SCAF11: variants seen among roughly 807,000 people sequenced by gnomAD.
SCAF11 encodes the protein protein SCAF11.
A neutral mutation model predicts 140.5 loss-of-function variants in SCAF11; 47 were observed. The observed-to-expected ratio is 0.33, with a 90% confidence interval of 0.26 to 0.43. SCAF11 has a LOEUF of 0.43. SCAF11 is among the 20% of genes least tolerant of loss of function. The pLI is 1.00. For missense variants in SCAF11, 1,645 were observed against 1,705.1 expected, an observed-to-expected ratio of 0.96 and a Z score of 0.62; for synonymous variants, 557 against 579.4, an observed-to-expected ratio of 0.96 and a Z score of 0.55.
chr12:45,922,906 T>C lies in SCAF11; in HGVS notation c.4125+30A>G, dbSNP rs769718399. ...TTTTCTCCTTTATCATATACAGAAT[T>C]ATGAAGGTTGCTCTCAACCTTGAAC... On this transcript the variant is annotated intron_variant, in intron 13 of 14. Transcript: ENST00000369367. 6 of 1,581,556 alleles carry C rather than the reference T, an allele frequency of 3.8e-6. No individual in the cohort carries two copies. The South Asian group carries it at 4.4e-5, about 12-fold the overall frequency.
At chr12:45,983,884 GGAA>G (rs1273334214) in intron 1 of SCAF11, among the ~76,000 whole-genome samples, 1 of 151,950 alleles carries the variant, frequency 6.6e-6, no homozygotes, top group African/African-American at 2.4e-5. Flanking sequence ...GGATAAAAAA[GGAA>G]GAAGTTTAGT....
rs1440791188 is a variant in SCAF11 at position 45,926,347 on chromosome 12, C to T, written c.3354G>A (p.Val1118=). The T allele has an allele frequency of 4.3e-6, 7 of 1,614,008 alleles. No homozygotes were observed. The African/African-American group carries it at 9.3e-5, about 22-fold the overall frequency. ...NSSGSESFKF[V]EQQSYKRKSE... Reference sequence around the variant, plus strand: ...TTTTTCGCTTATAGGATTGCTGTTCCACAAACTTGAAAGATTCACTCCCTG... The same window carrying T: ...TTTTTCGCTTATAGGATTGCTGTTCTACAAACTTGAAAGATTCACTCCCTG... The change falls in exon 11 of 15, where the codon GTG becomes GTA. Residue 1118 remains valine, a synonymous_variant. Transcript: ENST00000369367.
intron 1 of SCAF11, among the ~76,000 whole-genome samples, chr12:45,971,175 T>G (rs1474402627): frequency 6.6e-6 from 1 of 152,242 alleles, no homozygotes. Flanking sequence ...TAATGTAGCA[T>G]CATCTCCTTA....
intron 6 of SCAF11, among the ~76,000 whole-genome samples, chr12:45,939,666 C>T (rs569462320): frequency 3.9e-5 from 6 of 152,290 alleles, no homozygotes; most frequent in South Asian, 2.1e-4. Context: ...CCATTGAGAT[C>T]GTGCCATTGC....
rs1181485800 is a variant in SCAF11, at chr12:45,926,604, C to CA, written c.3096dup (p.Asp1033Ter). ...TTTTCTGGATTTCTGGTTCTTGGAT[C>CA]AGGCCCAGAGTTTATTTTTTCTGTT... On this transcript the variant is annotated frameshift_variant, in exon 11 of 15. Coordinates refer to ENST00000369367, the MANE Select transcript of SCAF11 (RefSeq NM_004719.3). LOFTEE classifies it high-confidence loss of function. The CA allele has an allele frequency of 6.2e-7, 1 of 1,613,764 alleles. No individual in the cohort carries two copies. Among genetic ancestry groups the CA allele is most frequent in the Non-Finnish European group, 8.5e-7 (1 of 1,179,956 alleles).
intron 1 of SCAF11, among the ~76,000 whole-genome samples, chr12:45,980,764 T>G (rs972396192): frequency 6.6e-6 from 1 of 152,154 alleles, no homozygotes; most frequent in African/African-American, 2.4e-5. Flanking sequence ...TAGCTCTATT[T>G]AGTGAGTGAC....
chr12:45,925,415 C>T (rs941950932), intron 11 of SCAF11, among the ~76,000 whole-genome samples: 9 of 151,962 alleles, frequency 5.9e-5, no homozygotes, highest in Middle Eastern at 3.2e-3. Flanking sequence ...ATTAGCCAGG[C>T]GTGGTGGTGA....
Position 45,921,819 on chromosome 12 carries a change from C to T in SCAF11, c.*229G>A, listed in dbSNP as rs1944721180. ...GTAAAGATGCACATTCCTTTAAACC[C>T]TTTACTTTCCCTTGAATTTTGTGGG... On this transcript the variant is annotated 3_prime_UTR_variant, in exon 15 of 15. Transcript: ENST00000369367. 2 of 489,002 alleles carry T rather than the reference C, an allele frequency of 4.1e-6. No individual in the cohort carries two copies. Among genetic ancestry groups the T allele is most frequent in the African/African-American group, 1.9e-5 (1 of 51,338 alleles). The allele number at this position is 489,002 out of a possible 1,614,324, so 30.3% of individuals were successfully genotyped here.
Position 45,928,010 on chromosome 12 carries a change from A to T in SCAF11, c.1691T>A (p.Val564Glu), listed in dbSNP as rs868036447. The change falls in exon 11 of 15, where the codon GTA (valine) becomes GAA (glutamate). Residue 564 changes from valine to glutamate, a missense_variant. Val to Glu is a moderately radical substitution (Grantham distance 121). Coordinates refer to ENST00000369367, the MANE Select transcript of SCAF11 (RefSeq NM_004719.3). ...AGATAAGTCACTTAGGGGACAAGAT[A>T]CAGGTTGGTACACTTTGCTTTCAGA... ...LTSESKVYQP[V>E]SCPLSDLSEN... 6.2e-7 allele frequency: 1 copy of T among 1,613,206 alleles called. No individual in the cohort carries two copies. The highest frequency in any genetic ancestry group is 1.7e-4 in the Middle Eastern group (1 of 6,060).
At chr12:45,962,049 G>A (rs1171508953) in intron 2 of SCAF11, among the ~76,000 whole-genome samples, 192 bp from the exon 3 acceptor site, 2 of 151,968 alleles carry the variant, frequency 1.3e-5, no homozygotes, top group South Asian at 2.1e-4. Flanking sequence ...TTTTTTTAAC[G>A]GGGGACTGAA....
Position 45,927,939 on chromosome 12 carries a change from A to G in SCAF11, c.1762T>C (p.Ser588Pro). The change falls in exon 11 of 15, where the codon TCC (serine) becomes CCC (proline). Residue 588 changes from serine (S) to proline (P), a missense_variant. By Grantham distance (74) the Ser-to-Pro change is moderately conservative. Around this residue, in one of 2 missense-constraint regions of SCAF11, gnomAD observed 1,582 missense variants for 1,609.2 expected, o/e 0.98. Transcript: ENST00000369367. ...VVNEEKITES[S>P]LVEITEHKDF... The stretch of plus-strand genomic sequence containing the variant: ...TTATGTTCAGTAATTTCTACTAGGG[A>G]ACTCTCTGTTATTTTTTCTTCATTA... 6.2e-7 allele frequency: 1 copy of G among 1,613,290 alleles called. No individual in the cohort carries two copies. Among genetic ancestry groups the G allele is most frequent in the Non-Finnish European group, 8.5e-7 (1 of 1,179,880 alleles).
rs199825706 is a variant in SCAF11, at chr12:45,927,706, A to G, written c.1995T>C (p.Asn665=). 20 of 1,612,094 alleles carry G rather than the reference A, an allele frequency of 1.2e-5. No homozygotes were observed. Among genetic ancestry groups the G allele is most frequent in the Non-Finnish European group, 2.5e-6 (3 of 1,179,414 alleles). ...TCAGAAGATTATTTTTTAGTAAGTTATTTTCAGAGTCTTGAATATTATTGA... is the reference window on the plus strand; with the variant it reads ...TCAGAAGATTATTTTTTAGTAAGTTGTTTTCAGAGTCTTGAATATTATTGA... The part of the protein sequence containing the change: ...EDFNNIQDSE[N]NLLKNNLLNT... Residue 665 remains asparagine (N), a synonymous_variant, in exon 11 of 15, where the codon AAT becomes AAC. Transcript: ENST00000369367.
chr12:45,968,967 T>C (rs1211601944), intron 1 of SCAF11, among the ~76,000 whole-genome samples: 1 of 152,126 alleles, frequency 6.6e-6, no homozygotes, highest in African/African-American at 2.4e-5. Flanking sequence ...CGGTCTGTAT[T>C]AAGTCATTTC....
At chr12:45,975,369 T>A (rs1168292904) in intron 1 of SCAF11, 1 of 152,398 alleles carries the variant, frequency 6.6e-6, no homozygotes, top group Admixed American at 6.5e-5. Flanking sequence ...CTACTTTCAA[T>A]AGAAGGCTGG....
chr12:45,972,935 T>TATATAGATAG (rs1255905112), intron 1 of SCAF11, among the ~76,000 whole-genome samples: 1 of 53,274 alleles, frequency 1.9e-5, no homozygotes, highest in East Asian at 4.7e-4. Flanking sequence ...TATAGATATA[T>TATATAGATAG]ATAGATATAT....
At chr12:45,974,056 T>C in intron 1 of SCAF11, 2 of 389,498 alleles carry the variant, frequency 5.1e-6, no homozygotes, top group South Asian at 2.0e-5. Flanking sequence ...ACCGGAGTAA[T>C]AAAACAATAT....
rs569610152 is a variant in SCAF11, at chr12:45,984,532, T to C, written c.-22+5821A>G. Among the ~76,000 whole-genome samples, 12 of 152,328 alleles carry C rather than the reference T, an allele frequency of 7.9e-5. No homozygotes were observed. The South Asian group carries it at 2.3e-3, about 29-fold the overall frequency. ...TCACTGTAAAGTTACTTTTGTCCCA[T>C]TGGTAATTAACATGCATTTTTGTGG... On this transcript the variant is annotated intron_variant, in intron 1 of 14. Coordinates refer to ENST00000369367, the MANE Select transcript of SCAF11 (RefSeq NM_004719.3).
rs879672814 is a variant in SCAF11, at chr12:45,951,829, T to C, written c.220-102A>G. 3.4e-4 allele frequency: 252 copies of C among 736,324 alleles called. 2 individuals are homozygous for C. Among genetic ancestry groups the C allele is most frequent in the Non-Finnish European group, 5.1e-4 (237 of 462,178 alleles). The allele number at this position is 736,324 out of a possible 1,614,324, so 45.6% of individuals were successfully genotyped here. A position where few individuals can be genotyped will look rare whatever the true frequency, so the allele number is the denominator to read the frequency against. ...CATAAAATTATTTTTATCTCTATCT[T>C]CGAAAGAAAAAAATATTTTTATACC... On this transcript the variant is annotated intron_variant, in intron 3 of 14. Transcript: ENST00000369367.
intron 8 of SCAF11, among the ~76,000 whole-genome samples, chr12:45,933,576 A>C (rs1157910491): frequency 6.6e-6 from 1 of 152,178 alleles, no homozygotes; most frequent in Non-Finnish European, 1.5e-5. Flanking sequence ...CTTGAAACTA[A>C]GCCTAAGACA....
Sources: gnomAD v4.1 joint callset for allele counts (sites outside exome capture counted in the v4.1 genomes callset) on GRCh38, gnomAD v4.1.1 for gene constraint, gnomAD v4.1.1 regional missense constraint, MANE v1.5 for transcripts, NCBI Gene and HGNC (gene_info 2026-07-23, HGNC 2026-07-21) for gene names.